Variants in PACRGL observed in about 807,000 individuals in gnomAD.
PACRGL encodes PACRG-like protein.
In PACRGL, 38 loss-of-function variants were observed where a neutral mutation model predicts 34.5. The observed-to-expected ratio is 1.10, with a 90% confidence interval of 0.85 to 1.44. PACRGL has a LOEUF of 1.44. PACRGL is among the 40% of genes most tolerant of loss of function. The pLI, the probability that PACRGL is intolerant of heterozygous loss-of-function variation, is 0.00. For missense variants in PACRGL, 305 were observed against 281.4 expected (o/e 1.08, Z -0.60); for synonymous variants, 128 against 100.1 (o/e 1.28, Z -1.66).
chr4:20,729,570 G>GTTT lies in PACRGL; in HGVS notation c.*2234_*2236dup, dbSNP rs888638953. ...AAGGCCATAGAAACTGGAACTATGT[G>GTTT]TTTTTTTAATTGTTGTAATCTTGTT... On this transcript the variant is annotated 3_prime_UTR_variant, in exon 9 of 9. Transcript: ENST00000503585. The GTTT allele has an allele frequency of 6.7e-6, 1 of 148,622 alleles. No individual in the cohort carries two copies. Among genetic ancestry groups the GTTT allele is most frequent in the Non-Finnish European group, 1.5e-5 (1 of 67,282 alleles). 9.2% of individuals were successfully genotyped at this position (148,622 alleles called of 1,614,324 possible).
intron 7 of PACRGL, chr4:20,718,986 T>G (rs1223520915): frequency 1.3e-5 from 2 of 152,392 alleles, no homozygotes; most frequent in East Asian, 3.9e-4. Flanking sequence ...GGTAAGCTAT[T>G]AACTATTGCC....
chr4:20,765,572 G>GT, the PACRGL span, among the ~76,000 whole-genome samples: 1 of 152,166 alleles, frequency 6.6e-6, no homozygotes, highest in South Asian at 2.1e-4. Flanking sequence ...TACTGTCATT[G>GT]TAAATGGCTA....
upstream of PACRGL, among the ~76,000 whole-genome samples, chr4:20,699,211 A>G (rs1731445718): frequency 6.7e-6 from 1 of 149,298 alleles, no homozygotes; most frequent in Non-Finnish European, 1.5e-5. Flanking sequence ...AGCTGAAGAT[A>G]CAGGATATAA....
In PACRGL at chr4:20,730,276, G is replaced by T; in HGVS notation, c.*2935G>T. 1 of 1,021,098 alleles carries T rather than the reference G, an allele frequency of 9.8e-7. No individual in the cohort carries two copies. The highest frequency in any genetic ancestry group is 1.3e-6 in the Non-Finnish European group (1 of 743,030). The allele number at this position is 1,021,098 out of a possible 1,614,324, so 63.3% of individuals were successfully genotyped here. A position where few individuals can be genotyped will look rare whatever the true frequency, so the allele number is the denominator to read the frequency against. Reference sequence around the variant, plus strand: ...ATATTAAGTGTTTGCAAATGTAAATGCCATTCTATTCTATCCATTTTCCAC... The same window carrying T: ...ATATTAAGTGTTTGCAAATGTAAATTCCATTCTATTCTATCCATTTTCCAC... On this transcript the variant is annotated 3_prime_UTR_variant, in exon 9 of 9. Coordinates refer to ENST00000503585, the MANE Select transcript of PACRGL (RefSeq NM_001258345.3).
downstream of PACRGL, among the ~76,000 whole-genome samples, chr4:20,735,162 A>G (rs1749286058): frequency 6.6e-6 from 1 of 152,320 alleles, no homozygotes; most frequent in South Asian, 2.1e-4. Context: ...AGATAAACCA[A>G]TTGTGGTCTT....
the PACRGL span, among the ~76,000 whole-genome samples, chr4:20,759,887 C>T: frequency 6.6e-5 from 10 of 152,026 alleles, no homozygotes; most frequent in African/African-American, 1.9e-4. Context: ...CCTTGTTATC[C>T]TTGGGGCATT....
intron 8 of PACRGL, among the ~76,000 whole-genome samples, chr4:20,750,728 A>T (rs1436570135): frequency 1.3e-5 from 2 of 152,066 alleles, no homozygotes; most frequent in Non-Finnish European, 2.9e-5. Flanking sequence ...TAAAATTTAC[A>T]TTATTATTTT....
chr4:20,729,981 A>AGTGTC lies in PACRGL; in HGVS notation c.*2641_*2645dup, dbSNP rs950231425. ...AAAGCTTGTTTGCATAATATGCTTC[A>AGTGTC]GTGTCAAGCTGAGCAATCTATGCTA... is the stretch of plus-strand genomic sequence containing the variant. On this transcript the variant is annotated 3_prime_UTR_variant, in exon 9 of 9. Transcript: ENST00000503585. 3.8e-6 allele frequency: 5 copies of AGTGTC among 1,317,102 alleles called. No individual in the cohort carries two copies. Among genetic ancestry groups the AGTGTC allele is most frequent in the Non-Finnish European group, 5.1e-6 (5 of 978,866 alleles). 81.6% of individuals were successfully genotyped at this position (1,317,102 alleles called of 1,614,324 possible). A position where few individuals can be genotyped will look rare whatever the true frequency, so the allele number is the denominator to read the frequency against.
intron 8 of PACRGL, among the ~76,000 whole-genome samples, chr4:20,742,761 G>C (rs1176507955): frequency 6.6e-6 from 1 of 152,160 alleles, no homozygotes; most frequent in Admixed American, 6.5e-5. Context: ...ATTAGGGAAA[G>C]AAGAAGTCAA....
chr4:20,714,280 G>A (rs901341790), intron 7 of PACRGL, among the ~76,000 whole-genome samples: 1 of 152,054 alleles, frequency 6.6e-6, no homozygotes, highest in African/African-American at 2.4e-5. Context: ...TTTGATCTTT[G>A]TTGGTTTAAA....
downstream of PACRGL, among the ~76,000 whole-genome samples, chr4:20,737,397 T>G (rs114600234): frequency 7.8e-3 from 1,191 of 152,286 alleles, 14 homozygotes; most frequent in African/African-American, 0.027. Flanking sequence ...TAATTTTTAA[T>G]GAGGAGCACT....
chr4:20,730,184 C>CACTATTTTGCCCCTGAG lies in PACRGL; in HGVS notation c.*2844_*2860dup. On this transcript the variant is annotated 3_prime_UTR_variant, in exon 9 of 9. Transcript: ENST00000503585. ...TTCAGCATATCTGCAAGGAAAAGTACACTATTTTGCCCCTGAGTATTGCCT... is the reference window on the plus strand; with the variant it reads ...TTCAGCATATCTGCAAGGAAAAGTACACTATTTTGCCCCTGAGACTATTTTGCCCCTGAGTATTGCCT... The CACTATTTTGCCCCTGAG allele has an allele frequency of 6.4e-7, 1 of 1,551,764 alleles. No homozygotes were observed. The highest frequency in any genetic ancestry group is 8.7e-7 in the Non-Finnish European group (1 of 1,149,758).
At position 20,728,219 on chromosome 4, in the gene PACRGL, T is replaced by TACA. The variant is rs1746572888; in HGVS notation, c.*881_*883dup. On this transcript the variant is annotated 3_prime_UTR_variant, in exon 9 of 9. Transcript: ENST00000503585. ...ATTCTATTACAAGTATGTTGTTTAT[T>TACA]ACAACTCATTACAACTACCTAAATT... 1 of 152,248 alleles carries TACA rather than the reference T, an allele frequency of 6.6e-6. No individual in the cohort carries two copies. Among genetic ancestry groups the TACA allele is most frequent in the African/African-American group, 2.4e-5 (1 of 41,468 alleles). 9.4% of individuals were successfully genotyped at this position (152,248 alleles called of 1,614,324 possible).
At chr4:20,739,699 C>T (rs777264829) in intron 8 of PACRGL, among the ~76,000 whole-genome samples, 3 of 151,920 alleles carry the variant, frequency 2.0e-5, no homozygotes, top group Non-Finnish European at 4.4e-5. Flanking sequence ...CAAAGGAACG[C>T]ACCTCCTCGC....
chr4:20,727,282 C>T lies in PACRGL; in HGVS notation c.691-3C>T. The T allele has an allele frequency of 6.2e-7, 1 of 1,609,550 alleles. No homozygotes were observed. Among genetic ancestry groups the T allele is most frequent in the Non-Finnish European group, 8.5e-7 (1 of 1,176,146 alleles). On this transcript the variant is annotated splice_region_variant and splice_polypyrimidine_tract_variant and intron_variant, in intron 8 of 8. Transcript: ENST00000503585. ...ATGATGCTCAATTTTTTTCTGTTGA[C>T]AGGGGAGCCTTAGCATCATCAAATC...
intron 1 of PACRGL, chr4:20,701,831 T>C (rs1371575569): frequency 8.8e-6 from 4 of 456,374 alleles, no homozygotes; most frequent in Non-Finnish European, 1.8e-5. Context: ...TTGGGTCAAA[T>C]CTATAGATGT....
the PACRGL span, chr4:20,767,279 G>A: frequency 6.6e-6 from 1 of 152,120 alleles, no homozygotes; most frequent in African/African-American, 2.4e-5. Context: ...AATATCATCA[G>A]AATTTACCCT....
At chr4:20,709,276 A>T (rs1411504705) in intron 4 of PACRGL, among the ~76,000 whole-genome samples, 1 of 152,204 alleles carries the variant, frequency 6.6e-6, no homozygotes, top group Non-Finnish European at 1.5e-5. Flanking sequence ...CCTTCAGGTT[A>T]TTAGTGTTAG....
Position 20,732,379 on chromosome 4 carries a change from A to G in PACRGL, c.*5038A>G, listed in dbSNP as rs1029873220. ...ACTTTCAGAGCTTGCTTTTTGTCTC[A>G]TCTGTAAAATGAGATTAATGAGGAT... is the stretch of plus-strand genomic sequence containing the variant. On this transcript the variant is annotated 3_prime_UTR_variant, in exon 9 of 9. Coordinates refer to ENST00000503585, the MANE Select transcript of PACRGL (RefSeq NM_001258345.3). Among the ~76,000 whole-genome samples the G allele has an allele frequency of 6.6e-6, 1 of 152,160 alleles. No individual in the cohort carries two copies. Among genetic ancestry groups the G allele is most frequent in the African/African-American group, 2.4e-5 (1 of 41,448 alleles).
Sources: allele counts gnomAD v4.1 joint callset (sites outside exome capture counted in the v4.1 genomes callset), GRCh38; gene constraint gnomAD v4.1.1; transcripts MANE v1.5; gene names NCBI Gene and HGNC (gene_info 2026-07-23, HGNC 2026-07-21).